Variants in ARID1B observed in about 807,000 individuals in gnomAD.
ARID1B encodes the protein AT-rich interactive domain-containing protein 1B.
A neutral mutation model predicts 212.3 loss-of-function variants in ARID1B; 30 were observed. The observed-to-expected ratio is 0.14, with a 90% CI of 0.11 to 0.19. The LOEUF (loss-of-function observed/expected upper bound fraction) is 0.19. Among genes scored for constraint, ARID1B ranks in the 10% least tolerant of loss-of-function variants. The pLI is 1.00. For synonymous variants in ARID1B, 1,402 were observed against 1,301.7 expected (o/e 1.08, Z -1.66); for missense variants, 2,891 against 3,204.0 (o/e 0.90, Z 2.36).
chr6:157,099,330 C>A (rs1442213487), intron 5 of ARID1B, among the ~76,000 whole-genome samples: 1 of 152,166 alleles, frequency 6.6e-6, no homozygotes, highest in African/African-American at 2.4e-5. Flanking sequence ...TATCCTCTGA[C>A]TTAACTTGTC....
Position 157,134,254 on chromosome 6 carries a change from CT to C in ARID1B, c.2761+1050del, listed in dbSNP as rs1788756751. Among the ~76,000 whole-genome samples, 4 of 152,320 alleles carry C rather than the reference CT, an allele frequency of 2.6e-5. No individual in the cohort carries two copies. The South Asian group carries it at 8.3e-4, about 32-fold the overall frequency. On this transcript the variant is annotated intron_variant, in intron 7 of 19. Coordinates refer to ENST00000636930, the MANE Select transcript of ARID1B (RefSeq NM_001374828.1). ...CCTGCTGGTTCTCAGAAAATCGCAT[CT>C]TTCTGATGTATAGTACTTTACAGCT... is the stretch of plus-strand genomic sequence containing the variant.
chr6:156,796,808 G>A (rs966820467), intron 1 of ARID1B, among the ~76,000 whole-genome samples: 1 of 152,176 alleles, frequency 6.6e-6, no homozygotes, highest in Non-Finnish European at 1.5e-5. Context: ...CAGACAAGTG[G>A]TGAGATGGTG....
At chr6:157,118,947 A>C (rs999225559) in intron 6 of ARID1B, among the ~76,000 whole-genome samples, 2 of 152,234 alleles carry the variant, frequency 1.3e-5, no homozygotes, top group East Asian at 3.8e-4. Flanking sequence ...TAATTGGCTC[A>C]TTATTCTTCA....
chr6:156,808,177 G>A lies in ARID1B; in HGVS notation c.1792-21050G>A, dbSNP rs142760014. 9.0e-3 allele frequency among the ~76,000 whole-genome samples: 1,366 copies of A among 152,158 alleles called. 18 individuals carry two copies. Among genetic ancestry groups the A allele is most frequent in the Non-Finnish European group, 9.6e-3 (654 of 68,006 alleles). ...TCAAAAGTAATTGAGAGATGAGAGC[G>A]TTTCCTATTTGGAAGACATCAGCTG... is the stretch of plus-strand genomic sequence containing the variant. On this transcript the variant is annotated intron_variant, in intron 1 of 19. Transcript: ENST00000636930.
chr6:157,127,946 A>C (rs1788254802), intron 6 of ARID1B, among the ~76,000 whole-genome samples: 2 of 148,294 alleles, frequency 1.3e-5, no homozygotes, highest in Admixed American at 6.7e-5. Context: ...TAGGCGACAG[A>C]GCAAGACTTC....
At chr6:156,910,756 C>T (rs983489875) in intron 3 of ARID1B, among the ~76,000 whole-genome samples, 4 of 152,092 alleles carry the variant, frequency 2.6e-5, no homozygotes, top group African/African-American at 9.7e-5. Context: ...CTTTGGTATC[C>T]TTTATACAAT....
chr6:157,116,895 G>A (rs1161196081), intron 6 of ARID1B, among the ~76,000 whole-genome samples: 10 of 152,126 alleles, frequency 6.6e-5, no homozygotes, highest in African/African-American at 1.7e-4. Flanking sequence ...CTTTATCAGC[G>A]ACACCAACAT....
chr6:157,037,540 C>T (rs1293317547), intron 4 of ARID1B, among the ~76,000 whole-genome samples: 2 of 152,022 alleles, frequency 1.3e-5, no homozygotes, highest in Non-Finnish European at 2.9e-5. Context: ...GAGCTATTTT[C>T]GGGTAGAACA....
At chr6:156,995,398 C>A (rs1778527047) in intron 4 of ARID1B, among the ~76,000 whole-genome samples, 2 of 152,318 alleles carry the variant, frequency 1.3e-5, no homozygotes, top group Admixed American at 6.5e-5. Context: ...GATTAGAATT[C>A]TTTATGGACA....
At chr6:156,905,250 G>GCGCGCGCACA (rs1554265935) in intron 3 of ARID1B, among the ~76,000 whole-genome samples, 22 of 143,730 alleles carry the variant, frequency 1.5e-4, no homozygotes, top group African/African-American at 5.8e-4. Flanking sequence ...ACATATGCAC[G>GCGCGCGCACA]CACACACACA....
At chr6:157,128,481 C>T (rs1412572483) in intron 6 of ARID1B, among the ~76,000 whole-genome samples, 1 of 152,108 alleles carries the variant, frequency 6.6e-6, no homozygotes, top group Non-Finnish European at 1.5e-5. Flanking sequence ...GCCAGGAGTT[C>T]GAGACCAGCC....
At position 157,200,632 on chromosome 6, in the gene ARID1B, T is replaced by C. The variant is rs927595580; in HGVS notation, c.4480-73T>C. 1.1e-5 allele frequency: 17 copies of C among 1,484,508 alleles called. No homozygotes were observed. In the East Asian group the frequency reaches 3.6e-4, roughly 32 times the overall value. The allele number at this position is 1,484,508 out of a possible 1,614,324, so 92.0% of individuals were successfully genotyped here. Reference sequence around the variant, plus strand: ...TGAACATTCTAGCAGGTAATAACTATTTTGCATAATTTCAGTGTGTGATTA... The same window carrying C: ...TGAACATTCTAGCAGGTAATAACTACTTTGCATAATTTCAGTGTGTGATTA... On this transcript the variant is annotated intron_variant, in intron 17 of 19. Coordinates refer to ENST00000636930, the MANE Select transcript of ARID1B (RefSeq NM_001374828.1). The surrounding 1 kb of genome is among the most constrained non-coding windows in gnomAD (Gnocchi z 4.3).
chr6:157,176,839 C>G (rs1257200876), intron 11 of ARID1B, among the ~76,000 whole-genome samples: 1 of 151,706 alleles, frequency 6.6e-6, no homozygotes, highest in African/African-American at 2.4e-5. Flanking sequence ...GAGTGAGACT[C>G]CATTTCAAAA....
At chr6:156,833,244 A>G (rs942866955) in intron 2 of ARID1B, among the ~76,000 whole-genome samples, 11 of 152,138 alleles carry the variant, frequency 7.2e-5, no homozygotes, top group African/African-American at 2.7e-4. Context: ...CCTTAAAGAC[A>G]CCAAGATATT....
chr6:156,928,769 T>C (rs1657044804), intron 3 of ARID1B, among the ~76,000 whole-genome samples: 1 of 152,224 alleles, frequency 6.6e-6, no homozygotes, highest in South Asian at 2.1e-4. Flanking sequence ...ATAAGGAGTG[T>C]GGCTTTGCCT....
chr6:157,128,712 G>C (rs1562641806), intron 6 of ARID1B, among the ~76,000 whole-genome samples: 1 of 152,204 alleles, frequency 6.6e-6, no homozygotes, highest in Non-Finnish European at 1.5e-5. Context: ...TCAAGAGAGA[G>C]AGCGTGACCA....
chr6:156,973,655 G>A (rs1239716674), intron 4 of ARID1B, among the ~76,000 whole-genome samples: 2 of 152,108 alleles, frequency 1.3e-5, no homozygotes, highest in Admixed American at 6.5e-5. Flanking sequence ...TTACTTTTTA[G>A]CCCTCCAAAT....
intron 2 of ARID1B, among the ~76,000 whole-genome samples, chr6:156,885,716 T>C (rs1458134316): frequency 6.6e-6 from 1 of 152,242 alleles, no homozygotes; most frequent in African/African-American, 2.4e-5. Context: ...TTTGATACTT[T>C]ATCCAAAGCA....
At chr6:156,918,674 A>ATG (rs1790548313) in intron 3 of ARID1B, among the ~76,000 whole-genome samples, 1 of 152,124 alleles carries the variant, frequency 6.6e-6, no homozygotes, top group Admixed American at 6.5e-5. Flanking sequence ...CGAGGAGACA[A>ATG]CTTCTGGGTC....
Sources: allele counts gnomAD v4.1 joint callset (sites outside exome capture counted in the v4.1 genomes callset), GRCh38; gene constraint gnomAD v4.1.1; non-coding constraint Gnocchi (gnomAD v3.1); transcripts MANE v1.5; gene names NCBI Gene and HGNC (gene_info 2026-07-23, HGNC 2026-07-21).